Variants in PRKCH observed in about 807,000 individuals in gnomAD.
PRKCH encodes the protein protein kinase C eta, also known as protein kinase C eta type.
Under a neutral mutation model 82.5 loss-of-function variants are expected in PRKCH, and 28 were observed. That is an observed-to-expected ratio of 0.34 (90% confidence interval 0.25 to 0.47). PRKCH has a LOEUF of 0.47. Ranked by LOEUF, PRKCH falls within the 20% of genes least tolerant of loss-of-function variation. The pLI is 1.00. For synonymous variants in PRKCH, 322 were observed against 327.4 expected (o/e 0.98, Z 0.18); for missense variants, 705 against 881.8 (o/e 0.80, Z 2.54).
chr14:61,283,230 G>GC, intron 1 of PRKCH, among the ~76,000 whole-genome samples: 1 of 152,210 alleles, frequency 6.6e-6, no homozygotes, highest in East Asian at 1.9e-4. Context: ...AAAAGGGCAA[G>GC]CCCCATTCTT....
chr14:61,236,710 C>CAAAAAAAAA (rs35185475), intron 1 of PRKCH, among the ~76,000 whole-genome samples: 637 of 86,926 alleles, frequency 7.3e-3, no homozygotes, highest in African/African-American at 0.011. Flanking sequence ...TGTCTCAAAA[C>CAAAAAAAAA]AAAAAAAAAA....
intron 9 of PRKCH, among the ~76,000 whole-genome samples, chr14:61,460,286 T>A (rs1171361991): frequency 6.6e-6 from 1 of 152,238 alleles, no homozygotes; most frequent in Non-Finnish European, 1.5e-5. Context: ...CTTTTCCTCC[T>A]CTGTTGCTAT....
intron 2 of PRKCH, among the ~76,000 whole-genome samples, chr14:61,421,571 C>A (rs1882834163): frequency 6.6e-6 from 1 of 152,134 alleles, no homozygotes; most frequent in Admixed American, 6.5e-5. Context: ...TATTGACCTG[C>A]TTTTTAAATC....
intron 2 of PRKCH, among the ~76,000 whole-genome samples, chr14:61,395,700 A>G (rs138386276): frequency 2.4e-4 from 37 of 152,196 alleles, no homozygotes; most frequent in East Asian, 1.9e-4. Context: ...CCATGTTCCT[A>G]TTGTCACAGC....
intron 7 of PRKCH, among the ~76,000 whole-genome samples, chr14:61,454,808 G>A (rs1477063219): frequency 2.0e-5 from 3 of 152,100 alleles, no homozygotes; most frequent in Non-Finnish European, 4.4e-5. Context: ...TTGCCTTCCT[G>A]GTCAGCGTCT....
In PRKCH at chr14:61,457,532, A is replaced by G. The variant is rs752792182; in HGVS notation, c.1131A>G (p.Thr377=). ...GKVMLARVKE[T]GDLYAVKVLK... The stretch of plus-strand genomic sequence containing the variant: ...TGATGCTTGCAAGAGTAAAAGAAAC[A>G]GGAGACCTCTATGCTGTGAAGGTGC... The change falls in exon 9 of 14, where the codon ACA becomes ACG. Residue 377 remains threonine (T), a synonymous_variant. Coordinates refer to ENST00000332981, the MANE Select transcript of PRKCH (RefSeq NM_006255.5). 1.2e-6 allele frequency: 2 copies of G among 1,614,166 alleles called. No homozygotes were observed. Among genetic ancestry groups the G allele is most frequent in the Non-Finnish European group, 1.7e-6 (2 of 1,180,006 alleles).
Position 61,272,340 on chromosome 14 carries a change from C to CTTTTTTTTTTTTT in PRKCH, c.-19+84675_-19+84676insTTTTTTTTTTTTT, listed in dbSNP as rs1335053986. ...TAGATTTCTTTTTCTTTTCTTTTTT[C>CTTTTTTTTTTTTT]TTTCTTTTTTTTTTTTTTTTTTTTT... On this transcript the variant is annotated intron_variant, in intron 1 of 3. Transcript: ENST00000555185. Among the ~76,000 whole-genome samples the CTTTTTTTTTTTTT allele has an allele frequency of 1.4e-4, 14 of 97,838 alleles. 5 individuals carry two copies. Among genetic ancestry groups the CTTTTTTTTTTTTT allele is most frequent in the Non-Finnish European group, 1.3e-4 (7 of 52,830 alleles). The allele number at this position is 97,838 out of a possible 152,430, so 64.2% of individuals were successfully genotyped here.
At chr14:61,202,980 A>G (rs1030427832) in intron 1 of PRKCH, among the ~76,000 whole-genome samples, 1 of 152,040 alleles carries the variant, frequency 6.6e-6, no homozygotes, top group East Asian at 1.9e-4. Context: ...AGTATCATAC[A>G]GAATAGTTTC....
intron 9 of PRKCH, among the ~76,000 whole-genome samples, chr14:61,463,703 T>TTA (rs1027542141): frequency 2.6e-5 from 4 of 151,750 alleles, no homozygotes; most frequent in African/African-American, 9.8e-5. Context: ...AGTGCTTTGT[T>TTA]TATATATATT....
chr14:61,445,290 A>G (rs373240631), intron 3 of PRKCH, among the ~76,000 whole-genome samples: 1 of 152,246 alleles, frequency 6.6e-6, no homozygotes, highest in Non-Finnish European at 1.5e-5. Context: ...CGGTAGACTC[A>G]TCTGTGCACT....
intron 1 of PRKCH, among the ~76,000 whole-genome samples, chr14:61,237,470 G>C (rs1432577816): frequency 6.6e-6 from 1 of 152,104 alleles, no homozygotes; most frequent in Admixed American, 6.5e-5. Context: ...AATTAACTAA[G>C]AGTCTGACAG....
At chr14:61,459,125 A>G (rs773695580) in intron 9 of PRKCH, among the ~76,000 whole-genome samples, 6 of 152,224 alleles carry the variant, frequency 3.9e-5, no homozygotes, top group Non-Finnish European at 8.8e-5. Flanking sequence ...ATGGCCCTGG[A>G]GAAGGCACCA....
intron 2 of PRKCH, among the ~76,000 whole-genome samples, chr14:61,442,095 T>G (rs1884002983): frequency 6.6e-6 from 1 of 152,208 alleles, no homozygotes; most frequent in Non-Finnish European, 1.5e-5. Flanking sequence ...TAGCAAATTA[T>G]TATTTCATGG....
chr14:61,450,352 C>CT (rs1884446513), intron 5 of PRKCH, among the ~76,000 whole-genome samples: 1 of 152,214 alleles, frequency 6.6e-6, no homozygotes. Flanking sequence ...TAAGTAGTTA[C>CT]TTTAATGTCA....
chr14:61,425,369 C>G lies in PRKCH; in HGVS notation c.428-17742C>G, dbSNP rs115483606. On this transcript the variant is annotated intron_variant, in intron 2 of 13. Transcript: ENST00000332981. Reference sequence around the variant, plus strand: ...GTAGAGCTGCCCAAGGCTATGGGAGCCCACCCCTTGTATCCACATGACCTA... The same window carrying G: ...GTAGAGCTGCCCAAGGCTATGGGAGGCCACCCCTTGTATCCACATGACCTA... Among the ~76,000 whole-genome samples the G allele has an allele frequency of 5.2e-3, 793 of 152,342 alleles. 7 individuals are homozygous for G. Among genetic ancestry groups the G allele is most frequent in the African/African-American group, 0.018 (747 of 41,588 alleles).
intron 9 of PRKCH, among the ~76,000 whole-genome samples, chr14:61,460,559 C>T (rs1397845348): frequency 6.6e-6 from 1 of 152,178 alleles, no homozygotes; most frequent in Non-Finnish European, 1.5e-5. Context: ...CTTATAGTAA[C>T]CCTCTGAAAT....
At chr14:61,385,593 C>A (rs1373126374) in intron 1 of PRKCH, among the ~76,000 whole-genome samples, 2 of 152,234 alleles carry the variant, frequency 1.3e-5, no homozygotes, top group East Asian at 3.9e-4. Context: ...GATAATCTTG[C>A]TCTTGCTGGT....
At chr14:61,461,311 G>T (rs1885017392) in intron 9 of PRKCH, among the ~76,000 whole-genome samples, 1 of 152,160 alleles carries the variant, frequency 6.6e-6, no homozygotes, top group African/African-American at 2.4e-5. Flanking sequence ...TCACCCCCTT[G>T]TTGGGCTCTT....
intron 9 of PRKCH, chr14:61,476,197 A>G (rs1050120620): frequency 6.6e-6 from 1 of 152,196 alleles, no homozygotes; most frequent in Non-Finnish European, 1.5e-5. Context: ...TTCCATTTTA[A>G]ATTTTACCAG....
Sources: gnomAD v4.1 joint callset for allele counts (sites outside exome capture counted in the v4.1 genomes callset) on GRCh38, gnomAD v4.1.1 for gene constraint, MANE v1.5 for transcripts, NCBI Gene and HGNC (gene_info 2026-07-23, HGNC 2026-07-21) for gene names.